The following ASTN2 variants were observed in gnomAD, a reference collection of about 807,000 sequenced individuals.
The protein encoded by ASTN2 is astrotactin-2.
A neutral mutation model predicts 139.8 loss-of-function variants in ASTN2; 54 were observed. The ratio of observed to expected loss-of-function variants is 0.39; its 90% CI spans 0.31 to 0.48. ASTN2 has a LOEUF of 0.48. Among genes scored for constraint, ASTN2 ranks in the 20% least tolerant of loss-of-function variants. The pLI is 0.95. For synonymous variants in ASTN2, 756 were observed against 719.5 expected (o/e 1.05, Z -0.81); for missense variants, 1,565 against 1,725.1 (o/e 0.91, Z 1.64).
intron 1 of ASTN2, among the ~76,000 whole-genome samples, chr9:117,404,515 T>C (rs1294667338): frequency 1.3e-5 from 2 of 152,220 alleles, no homozygotes; most frequent in Admixed American, 1.3e-4. Flanking sequence ...GGATACACTA[T>C]ATATTTGGAT....
Position 116,698,457 on chromosome 9 carries a change from T to C in ASTN2, c.2806+27314A>G. 1 of 1,614,034 alleles carries C rather than the reference T, an allele frequency of 6.2e-7. No homozygotes were observed. The highest frequency in any genetic ancestry group is 8.5e-7 in the Non-Finnish European group (1 of 1,180,032). On this transcript the variant is annotated intron_variant, in intron 16 of 22. Coordinates refer to ENST00000313400, the MANE Select transcript of ASTN2 (RefSeq NM_001365068.1). The surrounding 1 kb of genome is among the most constrained non-coding windows in gnomAD (Gnocchi z 4.4). ...TGCAGAGGTGCAGGCTGTGTCTCGC[T>C]GTGACTACTTCCTGGCCAAGATCAA...
chr9:116,996,624 G>A (rs777538877), intron 7 of ASTN2, among the ~76,000 whole-genome samples: 5 of 152,126 alleles, frequency 3.3e-5, no homozygotes, highest in Non-Finnish European at 7.4e-5. Flanking sequence ...GGAACAGATT[G>A]TCCCATGCAG....
At chr9:116,599,115 G>T (rs1465920349) in intron 19 of ASTN2, among the ~76,000 whole-genome samples, 1 of 152,140 alleles carries the variant, frequency 6.6e-6, no homozygotes, top group African/African-American at 2.4e-5. Context: ...CTAAAAGAGG[G>T]GATTAAGACG....
chr9:116,933,988 T>TTTTTTTTTTTTTTTTTTTTTTTTTTTC, intron 10 of ASTN2, among the ~76,000 whole-genome samples: 1 of 43,460 alleles, frequency 2.3e-5, no homozygotes, highest in Non-Finnish European at 6.8e-5. Flanking sequence ...CCTTTTTTTT[T>TTTTTTTTTTTTTTTTTTTTTTTTTTTC]TTTTTTTTTT....
chr9:117,124,137 A>G (rs986977710), intron 4 of ASTN2, among the ~76,000 whole-genome samples: 4 of 152,170 alleles, frequency 2.6e-5, no homozygotes, highest in African/African-American at 9.7e-5. Context: ...GGGATTTCTC[A>G]GGCTTCTTCC....
At chr9:117,000,283 A>G (rs995261059) in intron 7 of ASTN2, among the ~76,000 whole-genome samples, 2 of 152,240 alleles carry the variant, frequency 1.3e-5, no homozygotes, top group South Asian at 4.1e-4. Flanking sequence ...CAAGCTCCCT[A>G]CAACCAGGAA....
At chr9:117,316,188 T>C (rs1828139188) in intron 1 of ASTN2, among the ~76,000 whole-genome samples, 1 of 152,196 alleles carries the variant, frequency 6.6e-6, no homozygotes, top group Non-Finnish European at 1.5e-5. Context: ...TCCCTGATTA[T>C]GGGCTTCTGG....
chr9:116,842,601 C>T (rs919465797), intron 11 of ASTN2, among the ~76,000 whole-genome samples: 5 of 151,970 alleles, frequency 3.3e-5, no homozygotes, highest in Non-Finnish European at 5.9e-5. Context: ...CCAGCTAGCC[C>T]GTCTATTAAT....
intron 19 of ASTN2, among the ~76,000 whole-genome samples, chr9:116,539,921 C>T (rs1851808113): frequency 1.3e-5 from 2 of 152,046 alleles, no homozygotes; most frequent in Admixed American, 1.3e-4. Context: ...ATAAATGAGC[C>T]CTTTCAATGA....
At chr9:116,469,271 C>T (rs1423422006) in intron 20 of ASTN2, among the ~76,000 whole-genome samples, 1 of 152,104 alleles carries the variant, frequency 6.6e-6, no homozygotes, top group Non-Finnish European at 1.5e-5. Context: ...AGGAAGTCAT[C>T]CTGGCTGCTA....
chr9:116,916,727 C>A (rs1171887113), intron 10 of ASTN2, among the ~76,000 whole-genome samples: 2 of 152,078 alleles, frequency 1.3e-5, no homozygotes, highest in African/African-American at 4.8e-5. Context: ...GTGGCCCCAG[C>A]TACTTGGGAG....
At chr9:117,381,354 T>A (rs985926974) in intron 1 of ASTN2, among the ~76,000 whole-genome samples, 19 of 152,106 alleles carry the variant, frequency 1.2e-4, no homozygotes, top group African/African-American at 4.3e-4. Flanking sequence ...CAATATGAGA[T>A]ACATTCCAAC....
chr9:116,626,429 T>C (rs916702467), intron 17 of ASTN2, among the ~76,000 whole-genome samples: 1 of 152,086 alleles, frequency 6.6e-6, no homozygotes, highest in Non-Finnish European at 1.5e-5. Context: ...GTTTTAAATA[T>C]AAAATAGGAT....
intron 6 of ASTN2, among the ~76,000 whole-genome samples, chr9:117,035,708 T>C (rs1285904864): frequency 6.6e-6 from 1 of 152,160 alleles, no homozygotes; most frequent in African/African-American, 2.4e-5. Context: ...ATTGGGATCA[T>C]GCTGGGGAAG....
intron 2 of ASTN2, among the ~76,000 whole-genome samples, chr9:117,233,498 A>G (rs77494918): frequency 0.015 from 2,298 of 152,296 alleles, 23 homozygotes; most frequent in Middle Eastern, 0.027. Flanking sequence ...ATCTATGTAT[A>G]AGCATATGTG....
chr9:116,572,631 A>G (rs1052472759), intron 19 of ASTN2, among the ~76,000 whole-genome samples: 1 of 152,210 alleles, frequency 6.6e-6, no homozygotes, highest in Non-Finnish European at 1.5e-5. Context: ...TAAGCCAACA[A>G]AATGTGTGCT....
At chr9:116,814,913 C>A (rs535481934) in intron 12 of ASTN2, among the ~76,000 whole-genome samples, 1 of 152,316 alleles carries the variant, frequency 6.6e-6, no homozygotes, top group African/African-American at 2.4e-5. Flanking sequence ...GCATTTTTTA[C>A]ACCTGAGCTT....
At chr9:116,813,424 A>G (rs923391745) in intron 12 of ASTN2, among the ~76,000 whole-genome samples, 7 of 152,196 alleles carry the variant, frequency 4.6e-5, no homozygotes, top group Non-Finnish European at 1.0e-4. Context: ...TGGGACATCT[A>G]AGCTCACTAA....
In ASTN2 at chr9:117,241,005, G is replaced by T. The variant is rs147990775; in HGVS notation, c.631-26263C>A. ...CTGAGCCTTTCTGGGCTTCCTCTTT[G>T]TCCATCGTAGAAGAGCCACTCAAGA... On this transcript the variant is annotated intron_variant, in intron 2 of 22. Transcript: ENST00000313400. 5.4e-3 allele frequency among the ~76,000 whole-genome samples: 818 copies of T among 152,198 alleles called. 11 individuals are homozygous for T. Among genetic ancestry groups the T allele is most frequent in the African/African-American group, 0.019 (788 of 41,544 alleles).
Sources: allele counts gnomAD v4.1 joint callset (sites outside exome capture counted in the v4.1 genomes callset), GRCh38; gene constraint gnomAD v4.1.1; non-coding constraint Gnocchi (gnomAD v3.1); transcripts MANE v1.5; gene names NCBI Gene and HGNC (gene_info 2026-07-23, HGNC 2026-07-21).